The following SORCS1 variants were observed in gnomAD, a reference collection of about 807,000 sequenced individuals.
The protein encoded by SORCS1 is sortilin related VPS10 domain containing receptor 1, also known as VPS10 domain-containing receptor SorCS1.
A neutral mutation model predicts 146.1 loss-of-function variants in SORCS1; 60 were observed. The ratio of observed to expected loss-of-function variants is 0.41; its 90% CI spans 0.33 to 0.51. The LOEUF is 0.51. Ranked by LOEUF, SORCS1 falls within the 20% of genes least tolerant of loss-of-function variation. The pLI is 0.21. For synonymous variants in SORCS1, 637 were observed against 584.0 expected, an observed-to-expected ratio of 1.09 and a Z score of -1.31; for missense variants, 1,352 against 1,487.6, an observed-to-expected ratio of 0.91 and a Z score of 1.50.
intron 1 of SORCS1, among the ~76,000 whole-genome samples, chr10:106,971,186 T>C (rs1200136418): frequency 6.6e-6 from 1 of 151,940 alleles, no homozygotes; most frequent in Non-Finnish European, 1.5e-5. Flanking sequence ...AGCCTCTCAC[T>C]GATCTTAAAG....
intron 1 of SORCS1, among the ~76,000 whole-genome samples, chr10:106,989,789 C>A (rs928137868): frequency 8.7e-5 from 13 of 149,610 alleles, no homozygotes; most frequent in Non-Finnish European, 1.8e-4. Flanking sequence ...CAGCTTCATG[C>A]CATTCTCCCA....
chr10:106,806,739 C>T (rs530441662), intron 3 of SORCS1, among the ~76,000 whole-genome samples: 38 of 151,806 alleles, frequency 2.5e-4, no homozygotes, highest in East Asian at 1.6e-3. Context: ...ATGGTCTCCA[C>T]CTCCTGACCT....
In SORCS1 at chr10:107,146,290, A is replaced by AT. The variant is rs554624433; in HGVS notation, c.558+17678dup. Among the ~76,000 whole-genome samples, 7 of 151,486 alleles carry AT rather than the reference A, an allele frequency of 4.6e-5. No homozygotes were observed. In the South Asian group the frequency reaches 1.5e-3, roughly 32 times the overall value. Reference sequence around the variant, plus strand: ...TTTAGATACAGATTTCTGTAAATGCATTTTTTACGGTATTTAAACCATGAC... The same window carrying AT: ...TTTAGATACAGATTTCTGTAAATGCATTTTTTTACGGTATTTAAACCATGAC... On this transcript the variant is annotated intron_variant, in intron 1 of 25. Transcript: ENST00000263054.
intron 19 of SORCS1, among the ~76,000 whole-genome samples, chr10:106,620,809 G>A (rs1847694482): frequency 7.2e-6 from 1 of 138,250 alleles, no homozygotes; most frequent in African/African-American, 3.0e-5. Flanking sequence ...GTGTGTAAAA[G>A]TTAAAAAAAA....
chr10:107,166,449 T>C, upstream of SORCS1, among the ~76,000 whole-genome samples: 1 of 152,306 alleles, frequency 6.6e-6, no homozygotes, highest in South Asian at 2.1e-4. Context: ...GCCATTAAAC[T>C]TGAGTACCTA....
intron 14 of SORCS1, 131 bp from the exon 15 acceptor site, chr10:106,673,116 A>C: frequency 7.0e-5 from 45 of 640,480 alleles, no homozygotes; most frequent in Non-Finnish European, 1.1e-4. Flanking sequence ...AATCCTCAAA[A>C]CGCATTCATG....
intron 9 of SORCS1, 140 bp from the exon 10 acceptor site, chr10:106,688,478 G>A: frequency 1.2e-6 from 1 of 854,418 alleles, no homozygotes; most frequent in Admixed American, 2.8e-5. Context: ...GGGGGAAGGA[G>A]GTGGCTCAAG....
At chr10:107,151,698 A>C (rs527409046) in intron 1 of SORCS1, among the ~76,000 whole-genome samples, 34 of 152,248 alleles carry the variant, frequency 2.2e-4, no homozygotes, top group African/African-American at 6.3e-4. Context: ...CAGCCAAACC[A>C]TATCATTCTT....
chr10:106,606,380 A>G (rs1041766893), intron 23 of SORCS1, among the ~76,000 whole-genome samples: 6 of 152,036 alleles, frequency 3.9e-5, no homozygotes, highest in Admixed American at 3.9e-4. Flanking sequence ...AGGGCAGTAG[A>G]GTTGCTCGGG....
In SORCS1 at chr10:106,916,573, T is replaced by TACACAC. The variant is rs778320662; in HGVS notation, c.626+39939_626+39940insGTGTGT. On this transcript the variant is annotated intron_variant, in intron 2 of 25. Coordinates refer to ENST00000263054, the MANE Select transcript of SORCS1 (RefSeq NM_052918.5). ...GATGATATATAATTGTGTGCATATA[T>TACACAC]ATACACACACACACACACACACACA... 3.7e-3 allele frequency among the ~76,000 whole-genome samples: 465 copies of TACACAC among 126,746 alleles called. 1 individual carries two copies. The highest frequency in any genetic ancestry group is 4.4e-3 in the African/African-American group (147 of 33,790). 83.2% of individuals were successfully genotyped at this position (126,746 alleles called of 152,430 possible).
intron 3 of SORCS1, among the ~76,000 whole-genome samples, chr10:106,790,259 G>A (rs147374384): frequency 1.8e-3 from 271 of 152,196 alleles, no homozygotes; most frequent in African/African-American, 6.1e-3. Flanking sequence ...CCTTCAATTT[G>A]TTACTGTAAC....
chr10:106,735,663 T>C (rs1227429409), intron 5 of SORCS1, among the ~76,000 whole-genome samples: 2 of 152,180 alleles, frequency 1.3e-5, no homozygotes, highest in African/African-American at 4.8e-5. Flanking sequence ...TGTAAGTCAA[T>C]AGGATGGATC....
chr10:106,811,832 T>C (rs1256787791), intron 3 of SORCS1, among the ~76,000 whole-genome samples: 7 of 152,308 alleles, frequency 4.6e-5, no homozygotes, highest in African/African-American at 9.6e-5. Flanking sequence ...AGTTACTATG[T>C]AGAGAATGTG....
chr10:106,766,427 C>A (rs573445943), intron 4 of SORCS1, among the ~76,000 whole-genome samples: 4 of 152,242 alleles, frequency 2.6e-5, no homozygotes, highest in South Asian at 4.1e-4. Flanking sequence ...TAATGCCAGG[C>A]CTGAGGCATC....
At chr10:106,989,690 T>TTTTTTG (rs1564895306) in intron 1 of SORCS1, among the ~76,000 whole-genome samples, 23 of 140,324 alleles carry the variant, frequency 1.6e-4, no homozygotes, top group African/African-American at 6.3e-4. Flanking sequence ...GTTTTTTTTT[T>TTTTTTG]TTTTTTTTTT....
intron 19 of SORCS1, among the ~76,000 whole-genome samples, chr10:106,622,934 G>A (rs867828911): frequency 2.0e-5 from 3 of 152,142 alleles, no homozygotes; most frequent in Non-Finnish European, 4.4e-5. Flanking sequence ...AGGTAAATAT[G>A]TCCCAGGCAT....
chr10:106,859,707 T>G lies in SORCS1; in HGVS notation c.627-30034A>C, dbSNP rs534400558. Reference sequence around the variant, plus strand: ...TACCGGCCAATATCCCTTCTTTCATTGAACCTTTTCACATCCCTCTGCTGA... The same window carrying G: ...TACCGGCCAATATCCCTTCTTTCATGGAACCTTTTCACATCCCTCTGCTGA... On this transcript the variant is annotated intron_variant, in intron 2 of 25. Coordinates refer to ENST00000263054, the MANE Select transcript of SORCS1 (RefSeq NM_052918.5). 2.6e-5 allele frequency among the ~76,000 whole-genome samples: 4 copies of G among 152,278 alleles called. No individual in the cohort carries two copies. In the South Asian group the frequency reaches 8.3e-4, roughly 32 times the overall value.
intron 2 of SORCS1, among the ~76,000 whole-genome samples, chr10:106,944,668 A>G (rs542966051): frequency 6.6e-6 from 1 of 152,280 alleles, no homozygotes; most frequent in African/African-American, 2.4e-5. Flanking sequence ...TTAATTTGCC[A>G]AATTTCACCT....
intron 18 of SORCS1, among the ~76,000 whole-genome samples, chr10:106,634,775 T>C (rs1848636099): frequency 6.6e-6 from 1 of 152,234 alleles, no homozygotes; most frequent in South Asian, 2.1e-4. Flanking sequence ...AGATAGAGAA[T>C]ATGAGAAACA....
Sources: gnomAD v4.1 joint callset for allele counts (sites outside exome capture counted in the v4.1 genomes callset) on GRCh38, gnomAD v4.1.1 for gene constraint, MANE v1.5 for transcripts, NCBI Gene and HGNC (gene_info 2026-07-23, HGNC 2026-07-21) for gene names.